SPMIP7: variants seen among roughly 807,000 people sequenced by gnomAD.
The protein encoded by SPMIP7 is sperm microtubule inner protein 7.
the SPMIP7 span, among the ~76,000 whole-genome samples, chr7:50,131,454 G>A: frequency 6.6e-6 from 1 of 152,174 alleles, no homozygotes; most frequent in Admixed American, 6.6e-5. Context: ...TGAAGTTTGA[G>A]GCAGAGGCCT....
the SPMIP7 span, among the ~76,000 whole-genome samples, chr7:50,139,531 T>C: frequency 1.3e-5 from 2 of 152,206 alleles, no homozygotes; most frequent in Admixed American, 1.3e-4. Flanking sequence ...TGTGGTAAAA[T>C]GGCAAATAGC....
At chr7:50,122,166 G>C in the SPMIP7 span, among the ~76,000 whole-genome samples, 1 of 152,126 alleles carries the variant, frequency 6.6e-6, no homozygotes, top group Non-Finnish European at 1.5e-5. Flanking sequence ...TTAAATAAAA[G>C]TATAACATTG....
chr7:50,127,858 G>T, the SPMIP7 span, among the ~76,000 whole-genome samples: 3 of 151,888 alleles, frequency 2.0e-5, no homozygotes, highest in Non-Finnish European at 4.4e-5. Context: ...TTCATTCACT[G>T]TTGGTAGAAA....
the SPMIP7 span, among the ~76,000 whole-genome samples, chr7:50,114,176 G>A: frequency 6.6e-6 from 1 of 152,076 alleles, no homozygotes; most frequent in South Asian, 2.1e-4. Flanking sequence ...AGAAAATAAT[G>A]TATATGAAAA....
chr7:50,118,725 T>A, the SPMIP7 span, among the ~76,000 whole-genome samples: 13 of 152,294 alleles, frequency 8.5e-5, no homozygotes, highest in Admixed American at 2.6e-4. Flanking sequence ...CCCTTAGTCT[T>A]CTGGAAAGGT....
the SPMIP7 span, chr7:50,104,423 TTC>T: frequency 7.5e-7 from 1 of 1,334,180 alleles, no homozygotes; most frequent in East Asian, 2.6e-5. Context: ...TAAGATTTTC[TTC>T]TGGGTGGTGT....
chr7:50,098,959 A>C, the SPMIP7 span, among the ~76,000 whole-genome samples: 1 of 152,146 alleles, frequency 6.6e-6, no homozygotes, highest in Non-Finnish European at 1.5e-5. Context: ...TGCAAAACTG[A>C]AACTCTTTAC....
At chr7:50,158,117 T>C in the SPMIP7 span, among the ~76,000 whole-genome samples, 2 of 150,908 alleles carry the variant, frequency 1.3e-5, no homozygotes, top group African/African-American at 2.4e-5. Context: ...GCCCATGTCT[T>C]TTCCTGGCCT....
chr7:50,126,762 A>C, the SPMIP7 span, among the ~76,000 whole-genome samples: 1 of 152,100 alleles, frequency 6.6e-6, no homozygotes, highest in Admixed American at 6.6e-5. Flanking sequence ...TAATGGAGTA[A>C]AAGAGAAAAT....
At chr7:50,121,196 T>C in the SPMIP7 span, 1 of 152,222 alleles carries the variant, frequency 6.6e-6, no homozygotes, top group African/African-American at 2.4e-5. Context: ...ATTATGAAGG[T>C]GACAGAAAGG....
the SPMIP7 span, among the ~76,000 whole-genome samples, chr7:50,121,935 G>T: frequency 6.6e-6 from 1 of 150,786 alleles, no homozygotes; most frequent in African/African-American, 2.4e-5. Context: ...GGGATTACAG[G>T]CATGAGCCAC....
the SPMIP7 span, among the ~76,000 whole-genome samples, chr7:50,102,042 C>T: frequency 2.0e-5 from 3 of 152,088 alleles, no homozygotes; most frequent in East Asian, 1.9e-4. Flanking sequence ...CAAAATTTGC[C>T]GGGCGCAGCC....
At chr7:50,112,923 G>A in the SPMIP7 span, among the ~76,000 whole-genome samples, 62 of 130,546 alleles carry the variant, frequency 4.7e-4, 1 homozygote, top group African/African-American at 1.7e-3. Context: ...AAAAGAGATC[G>A]CTCAGGTCTT....
chr7:50,117,128 G>A, the SPMIP7 span: 3 of 391,510 alleles, frequency 7.7e-6, no homozygotes, highest in Admixed American at 8.4e-5. Context: ...AGACAGCCAT[G>A]AGGAGGCTTT....
chr7:50,102,953 T>C, the SPMIP7 span, among the ~76,000 whole-genome samples: 1 of 149,098 alleles, frequency 6.7e-6, no homozygotes, highest in South Asian at 2.1e-4. Flanking sequence ...GCAATAAGTA[T>C]ATACATTACT....
the SPMIP7 span, among the ~76,000 whole-genome samples, chr7:50,131,117 A>T: frequency 6.6e-6 from 1 of 152,142 alleles, no homozygotes; most frequent in Admixed American, 6.6e-5. Flanking sequence ...AAGATGGAAC[A>T]CCAGTTAGGA....
the SPMIP7 span, chr7:50,141,282 G>C: frequency 6.5e-7 from 1 of 1,539,990 alleles, no homozygotes; most frequent in Non-Finnish European, 8.8e-7. Flanking sequence ...TTCTAACAGT[G>C]GTCATGTGCA....
the SPMIP7 span, among the ~76,000 whole-genome samples, chr7:50,110,639 T>C: frequency 7.3e-6 from 1 of 137,732 alleles, no homozygotes; most frequent in Non-Finnish European, 1.5e-5. Flanking sequence ...ACATATTATA[T>C]AAATATATTA....
At chr7:50,159,037 C>T in the SPMIP7 span, 1 of 1,550,646 alleles carries the variant, frequency 6.4e-7, no homozygotes, top group Non-Finnish European at 8.7e-7. Context: ...TTTTCCCATC[C>T]TGCCCCAGCG....
Sources: gnomAD v4.1 joint callset for allele counts (sites outside exome capture counted in the v4.1 genomes callset) on GRCh38, gnomAD v4.1.1 for gene constraint, MANE v1.5 for transcripts, NCBI Gene and HGNC (gene_info 2026-07-23, HGNC 2026-07-21) for gene names.